Variants in GABRA3 observed in about 807,000 individuals in gnomAD.
GABRA3 encodes gamma-aminobutyric acid receptor subunit alpha-3.
GABRA3 carries 10 observed loss-of-function variants against 30.1 expected under a neutral mutation model. The ratio of observed to expected loss-of-function variants is 0.33; its 90% confidence interval spans 0.20 to 0.56. The LOEUF (loss-of-function observed/expected upper bound fraction) is 0.56. Ranked by LOEUF, GABRA3 falls within the 20% of genes least tolerant of loss-of-function variation. GABRA3 has a pLI of 0.89. For missense variants in GABRA3, 233 were observed against 392.0 expected, an observed-to-expected ratio of 0.59 and a Z score of 3.42; for synonymous variants, 151 against 146.8, an observed-to-expected ratio of 1.03 and a Z score of -0.21.
intron 3 of GABRA3, among the ~76,000 whole-genome samples, chrX:152,307,298 C>G (rs990703839): frequency 8.9e-6 from 1 of 111,840 alleles, no homozygotes; most frequent in Non-Finnish European, 1.9e-5. Flanking sequence ...AAAGTGCTAT[C>G]TAAATGCTAG....
At chrX:152,405,510 G>T (rs1275854243) in intron 1 of GABRA3, among the ~76,000 whole-genome samples, 2 of 109,400 alleles carry the variant, frequency 1.8e-5, no homozygotes, top group Non-Finnish European at 3.8e-5. Flanking sequence ...TGATGTATAG[G>T]GCCTGTGTCA....
intron 8 of GABRA3, among the ~76,000 whole-genome samples, chrX:152,196,700 C>A: frequency 8.9e-6 from 1 of 111,753 alleles, no homozygotes; most frequent in Non-Finnish European, 1.9e-5. Flanking sequence ...CAGTACAGTT[C>A]AACCCACATG....
rs150885759 is a variant in GABRA3, at chrX:152,198,910, C to G, written c.779-1125G>C. 6.1e-4 allele frequency among the ~76,000 whole-genome samples: 69 copies of G among 112,290 alleles called. 1 individual carries two copies. The East Asian group carries it at 0.016, about 26-fold the overall frequency. The stretch of plus-strand genomic sequence containing the variant: ...AAGCCTTAGCCCCTGTTACCACAGA[C>G]TGTGGCCTTGTTTGGAAATAGTGTT... On this transcript the variant is annotated intron_variant, in intron 7 of 9. Coordinates refer to ENST00000370314, the MANE Select transcript of GABRA3 (RefSeq NM_000808.4).
At chrX:152,169,536 G>T (rs1299575519) in intron 9 of GABRA3, among the ~76,000 whole-genome samples, 1 of 112,036 alleles carries the variant, frequency 8.9e-6, no homozygotes, top group Non-Finnish European at 1.9e-5. Context: ...GCAGAAGAGA[G>T]AAGAGGAGAC....
At chrX:152,197,924 T>C in intron 7 of GABRA3, 139 bp from the exon 8 acceptor site, 1 of 429,008 alleles carries the variant, frequency 2.3e-6, no homozygotes, top group South Asian at 6.4e-5. Flanking sequence ...ACTAGAGCCC[T>C]TTAATAATCA....
intron 2 of GABRA3, among the ~76,000 whole-genome samples, chrX:152,358,480 G>A (rs1044326886): frequency 8.1e-5 from 9 of 111,249 alleles, no homozygotes; most frequent in African/African-American, 2.9e-4. Flanking sequence ...GAATCATATT[G>A]TCTGCAAACA....
At chrX:152,286,931 G>A (rs1161977998) in intron 3 of GABRA3, among the ~76,000 whole-genome samples, 4 of 111,226 alleles carry the variant, frequency 3.6e-5, no homozygotes, top group Non-Finnish European at 5.7e-5. Context: ...GAGCTATTTC[G>A]GTACTTGAAG....
intron 1 of GABRA3, among the ~76,000 whole-genome samples, chrX:152,399,706 C>T (rs1309208899): frequency 2.7e-5 from 3 of 111,777 alleles, no homozygotes; most frequent in African/African-American, 9.7e-5. Flanking sequence ...TTTCTGATTG[C>T]TAGATACAGA....
intron 1 of GABRA3, among the ~76,000 whole-genome samples, chrX:152,403,968 T>C (rs1392872092): frequency 9.0e-6 from 1 of 110,978 alleles, no homozygotes; most frequent in Non-Finnish European, 1.9e-5. Flanking sequence ...TCTAAATGGT[T>C]GTGTTGGAGA....
At chrX:152,299,460 C>T (rs1302832916) in intron 3 of GABRA3, among the ~76,000 whole-genome samples, 1 of 111,074 alleles carries the variant, frequency 9.0e-6, no homozygotes, top group Non-Finnish European at 1.9e-5. Context: ...GGTACAATGG[C>T]ATACAAAGAC....
intron 6 of GABRA3, among the ~76,000 whole-genome samples, chrX:152,219,927 G>T (rs930238621): frequency 1.3e-4 from 14 of 111,231 alleles, no homozygotes; most frequent in African/African-American, 4.5e-4. Flanking sequence ...TTGGATGAGT[G>T]ATTCTGTGTA....
intron 1 of GABRA3, among the ~76,000 whole-genome samples, chrX:152,395,138 T>A (rs1015950399): frequency 1.1e-4 from 12 of 110,784 alleles, no homozygotes; most frequent in Non-Finnish European, 2.3e-4. Context: ...ATGGACATAA[T>A]GACTCATAAA....
intron 3 of GABRA3, among the ~76,000 whole-genome samples, chrX:152,298,621 T>C (rs1005389799): frequency 9.0e-6 from 1 of 110,887 alleles, no homozygotes; most frequent in African/African-American, 3.3e-5. Flanking sequence ...ATCCAGTCTA[T>C]CATTGTTGGA....
intron 3 of GABRA3, among the ~76,000 whole-genome samples, chrX:152,298,786 T>C (rs1411480464): frequency 8.9e-6 from 1 of 111,866 alleles, no homozygotes; most frequent in Non-Finnish European, 1.9e-5. Context: ...TCTAGATCCC[T>C]GAGGAATCAC....
intron 4 of GABRA3, among the ~76,000 whole-genome samples, chrX:152,275,255 A>C (rs1315896047): frequency 2.2e-5 from 1 of 46,250 alleles, no homozygotes; most frequent in African/African-American, 1.3e-4. Flanking sequence ...ATATATAATA[A>C]AATATATATA....
In GABRA3 at chrX:152,319,892, A is replaced by G. The variant is rs185303637; in HGVS notation, c.262+25689T>C. Among the ~76,000 whole-genome samples the G allele has an allele frequency of 6.4e-3, 712 of 111,202 alleles. 4 individuals are homozygous for G. The highest frequency in any genetic ancestry group is 0.022 in the African/African-American group (680 of 30,616). ...AAAAATAGCAAGAAAAAAACAAACA[A>G]TTGCATCAAAAAGTAGGCTAAGGAC... On this transcript the variant is annotated intron_variant, in intron 3 of 9. Transcript: ENST00000370314.
intron 5 of GABRA3, among the ~76,000 whole-genome samples, chrX:152,241,615 T>G (rs12013456): frequency 9.2e-6 from 1 of 108,834 alleles, no homozygotes; most frequent in Non-Finnish European, 1.9e-5. Context: ...TCGCTGCTGC[T>G]TTGCAGTTTG....
At chrX:152,238,541 T>C (rs1261084597) in intron 5 of GABRA3, among the ~76,000 whole-genome samples, 1 of 104,813 alleles carries the variant, frequency 9.5e-6, no homozygotes, top group African/African-American at 3.4e-5. Context: ...TCTTTTTCTA[T>C]TGATTGGAAT....
At chrX:152,429,420 A>G (rs746453006) in intron 1 of GABRA3, among the ~76,000 whole-genome samples, 2 of 110,819 alleles carry the variant, frequency 1.8e-5, no homozygotes, top group Non-Finnish European at 3.8e-5. Context: ...AAAAATGCGA[A>G]TCAGATTGCT....
Sources: allele counts gnomAD v4.1 joint callset (sites outside exome capture counted in the v4.1 genomes callset), GRCh38; gene constraint gnomAD v4.1.1; transcripts MANE v1.5; gene names NCBI Gene and HGNC (gene_info 2026-07-23, HGNC 2026-07-21).